RALYL: variants seen among roughly 807,000 people sequenced by gnomAD.
The protein encoded by RALYL is RALY RNA binding protein like.
In RALYL, 29 loss-of-function variants were observed where a neutral mutation model predicts 35.1. The observed-to-expected ratio is 0.83, with a 90% confidence interval of 0.61 to 1.13. RALYL has a LOEUF of 1.13. Among genes scored for constraint, RALYL ranks in the 50% most tolerant of loss-of-function variants. The pLI is 0.00. For missense variants in RALYL, 359 were observed against 360.4 expected, an observed-to-expected ratio of 1.00 and a Z score of 0.03; for synonymous variants, 120 against 127.6, an observed-to-expected ratio of 0.94 and a Z score of 0.40.
At chr8:84,532,744 A>C (rs1269562639) in intron 2 of RALYL, among the ~76,000 whole-genome samples, 1 of 152,098 alleles carries the variant, frequency 6.6e-6, no homozygotes, top group African/African-American at 2.4e-5. Context: ...TGCATGTTTA[A>C]AATATTTATA....
At chr8:84,898,854 C>T (rs1194081022) in intron 8 of RALYL, among the ~76,000 whole-genome samples, 1 of 152,186 alleles carries the variant, frequency 6.6e-6, no homozygotes, top group Non-Finnish European at 1.5e-5. Context: ...GTTACTCAGG[C>T]ACATCCTCCA....
intron 2 of RALYL, among the ~76,000 whole-genome samples, chr8:84,573,359 A>G (rs1808501501): frequency 6.6e-6 from 1 of 151,690 alleles, no homozygotes; most frequent in Non-Finnish European, 1.5e-5. Flanking sequence ...TTTTATTCCT[A>G]TCAGGTCCTC....
intron 2 of RALYL, among the ~76,000 whole-genome samples, chr8:84,676,276 C>G (rs1834175484): frequency 6.6e-6 from 1 of 152,154 alleles, no homozygotes; most frequent in Admixed American, 6.6e-5. Context: ...TATACTATGA[C>G]TATATCAGAA....
In RALYL at chr8:84,343,891, T is replaced by G. The variant is rs934388350; in HGVS notation, c.-24+159467T>G. Among the ~76,000 whole-genome samples, 14 of 143,590 alleles carry G rather than the reference T, an allele frequency of 9.7e-5. No individual in the cohort carries two copies. In the East Asian group the frequency reaches 2.3e-3, roughly 24 times the overall value. 94.2% of individuals were successfully genotyped at this position (143,590 alleles called of 152,430 possible). ...GAGTTTTTTTGTTTGTTTGTTTGTT[T>G]TTTTTTTTAACAATTGAAAACGAAA... On this transcript the variant is annotated intron_variant, in intron 1 of 8. Coordinates refer to ENST00000521268, the MANE Select transcript of RALYL (RefSeq NM_173848.7).
intron 1 of RALYL, among the ~76,000 whole-genome samples, chr8:84,439,031 CTTTGT>C (rs1270335730): frequency 6.6e-6 from 1 of 151,822 alleles, no homozygotes; most frequent in East Asian, 1.9e-4. Flanking sequence ...ATGCCTTCAG[CTTTGT>C]TTTGTTTTGC....
intron 1 of RALYL, among the ~76,000 whole-genome samples, chr8:84,366,249 C>T (rs1854244038): frequency 6.6e-6 from 1 of 152,092 alleles, no homozygotes; most frequent in South Asian, 2.1e-4. Flanking sequence ...TGAGCACTAA[C>T]GCCATTAAAA....
intron 1 of RALYL, among the ~76,000 whole-genome samples, chr8:84,194,645 G>A (rs1814777187): frequency 6.6e-6 from 1 of 152,160 alleles, no homozygotes. Flanking sequence ...CAGAAGTCCA[G>A]ATAGCAGGTA....
intron 1 of RALYL, among the ~76,000 whole-genome samples, chr8:84,209,125 C>CAAAAAAAAA (rs60246316): frequency 5.1e-4 from 50 of 97,474 alleles, no homozygotes; most frequent in African/African-American, 8.1e-4. Flanking sequence ...ACTCCTCCAC[C>CAAAAAAAAA]AAAAAAAAAA....
intron 2 of RALYL, among the ~76,000 whole-genome samples, chr8:84,560,228 T>C (rs902887010): frequency 1.4e-4 from 21 of 151,894 alleles, no homozygotes; most frequent in South Asian, 2.1e-4. Flanking sequence ...CCAATCTATC[T>C]CTTGGCTAGG....
intron 2 of RALYL, among the ~76,000 whole-genome samples, chr8:84,598,052 A>T (rs1306925632): frequency 6.6e-6 from 1 of 152,072 alleles, no homozygotes; most frequent in Non-Finnish European, 1.5e-5. Flanking sequence ...TATTCTCTCC[A>T]GCCTCACCCT....
At chr8:84,774,031 C>T (rs1279764308) in intron 2 of RALYL, among the ~76,000 whole-genome samples, 1 of 152,076 alleles carries the variant, frequency 6.6e-6, no homozygotes, top group Non-Finnish European at 1.5e-5. Context: ...CAGCCTGGGC[C>T]TCCTAGCCAG....
Position 84,204,011 on chromosome 8 carries a change from T to C in RALYL, c.-24+19587T>C, listed in dbSNP as rs576521925. ...TGTATGTGTGTGTGTGTATGTGTAA[T>C]GTATATCATATATACTCAGTGTATA... On this transcript the variant is annotated intron_variant, in intron 1 of 8. Transcript: ENST00000521268. Among the ~76,000 whole-genome samples the C allele has an allele frequency of 4.6e-5, 7 of 152,066 alleles. No homozygotes were observed. In the East Asian group the frequency reaches 1.4e-3, roughly 29 times the overall value.
intron 1 of RALYL, among the ~76,000 whole-genome samples, chr8:84,480,462 C>A (rs2053926481): frequency 1.3e-5 from 2 of 152,152 alleles, no homozygotes; most frequent in Admixed American, 1.3e-4. Context: ...TAGGAATACA[C>A]CTTAATGAGT....
At chr8:84,474,900 GGTTTGTTT>G (rs926826190) in intron 1 of RALYL, among the ~76,000 whole-genome samples, 1 of 69,556 alleles carries the variant, frequency 1.4e-5, no homozygotes, top group Non-Finnish European at 2.6e-5. Flanking sequence ...CACCCTTTTT[GGTTTGTTT>G]GTTTGTTTGT....
At chr8:84,523,705 C>A (rs1359411185) in intron 1 of RALYL, among the ~76,000 whole-genome samples, 1 of 116,976 alleles carries the variant, frequency 8.5e-6, no homozygotes, top group Non-Finnish European at 1.8e-5. Context: ...GTGATATTCC[C>A]CTTCCTGTGT....
chr8:84,389,350 T>C (rs1035080626), intron 1 of RALYL, among the ~76,000 whole-genome samples: 7 of 152,058 alleles, frequency 4.6e-5, no homozygotes, highest in African/African-American at 1.7e-4. Flanking sequence ...CCACATGAAC[T>C]TTAAAGTAGT....
At chr8:84,310,976 A>G (rs1406744057) in intron 1 of RALYL, among the ~76,000 whole-genome samples, 1 of 133,002 alleles carries the variant, frequency 7.5e-6, no homozygotes, top group East Asian at 2.4e-4. Context: ...GAACCCGGGA[A>G]GCGGAGCTTG....
rs572862734 is a variant in RALYL, at chr8:84,354,848, T to C, written c.-24+170424T>C. ...TCAGTTTTCTTTTGGTTAATGGTTC[T>C]TTAGAAAAGCCGCACAATTAGGACC... On this transcript the variant is annotated intron_variant, in intron 1 of 8. Coordinates refer to ENST00000521268, the MANE Select transcript of RALYL (RefSeq NM_173848.7). Among the ~76,000 whole-genome samples the C allele has an allele frequency of 2.7e-5, 4 of 150,278 alleles. No individual in the cohort carries two copies. In the South Asian group the frequency reaches 8.3e-4, roughly 31 times the overall value.
At chr8:84,761,175 A>G (rs1812603752) in intron 2 of RALYL, among the ~76,000 whole-genome samples, 1 of 152,106 alleles carries the variant, frequency 6.6e-6, no homozygotes. Flanking sequence ...CTCAATTAAA[A>G]ATGTAATACT....
Sources: allele counts gnomAD v4.1 joint callset (sites outside exome capture counted in the v4.1 genomes callset), GRCh38; gene constraint gnomAD v4.1.1; transcripts MANE v1.5; gene names NCBI Gene and HGNC (gene_info 2026-07-23, HGNC 2026-07-21).